ASCC3: variants seen among roughly 807,000 people sequenced by gnomAD.
ASCC3 encodes the protein ASC-1 complex subunit P200.
In ASCC3, 158 loss-of-function variants were observed where a neutral mutation model predicts 256.3. That is an observed-to-expected ratio of 0.62 (90% confidence interval 0.54 to 0.70). The LOEUF is 0.70. ASCC3 is among the 30% of genes least tolerant of loss of function. The probability of loss-of-function intolerance (pLI) is 0.00; values close to 1 mark genes in which losing one functional copy is unlikely to be tolerated. For synonymous variants in ASCC3, 948 were observed against 883.4 expected (o/e 1.07, Z -1.30); for missense variants, 2,259 against 2,626.0 (o/e 0.86, Z 3.05).
chr6:100,711,972 C>A (rs1778872711), intron 13 of ASCC3, among the ~76,000 whole-genome samples: 1 of 152,058 alleles, frequency 6.6e-6, no homozygotes, highest in Non-Finnish European at 1.5e-5. Flanking sequence ...CAGAAATAGA[C>A]CCACATAAAT....
chr6:100,770,513 G>A (rs1277641529), intron 8 of ASCC3, among the ~76,000 whole-genome samples: 2 of 149,078 alleles, frequency 1.3e-5, no homozygotes, highest in Non-Finnish European at 3.0e-5. Flanking sequence ...AAAAAAAAAA[G>A]AAATAAAGTC....
chr6:100,722,600 T>C (rs1038506139), intron 11 of ASCC3, among the ~76,000 whole-genome samples: 7 of 151,934 alleles, frequency 4.6e-5, no homozygotes, highest in Non-Finnish European at 7.4e-5. Flanking sequence ...CTTAGAACTA[T>C]GTAGCTGGTA....
chr6:100,540,179 G>A lies in ASCC3; in HGVS notation c.5759C>T (p.Ala1920Val). Reference protein sequence around the residue: ...DTDTKTVLDQALRVCQAMLDV... With the variant: ...DTDTKTVLDQVLRVCQAMLDV... ...CTTTCATACCTGACATACTCTGAGAGCTTGGTCCAAGACTGTTTTGGTATC... is the reference window on the plus strand; with the variant it reads ...CTTTCATACCTGACATACTCTGAGAACTTGGTCCAAGACTGTTTTGGTATC... The change falls in exon 37 of 42, where the codon GCT becomes GTT. Residue 1920 changes from alanine (A) to valine (V), a missense_variant. By Grantham distance (64) the Ala-to-Val change is moderately conservative. Around this residue, in one of 2 missense-constraint regions of ASCC3, gnomAD observed 1,839 missense variants for 2,206.7 expected, o/e 0.83. Transcript: ENST00000369162. 1 of 1,613,692 alleles carries A rather than the reference G, an allele frequency of 6.2e-7. No homozygotes were observed. The highest frequency in any genetic ancestry group is 8.5e-7 in the Non-Finnish European group (1 of 1,179,626).
intron 13 of ASCC3, among the ~76,000 whole-genome samples, chr6:100,699,874 A>T (rs1428594002): frequency 6.6e-6 from 1 of 152,210 alleles, no homozygotes; most frequent in Non-Finnish European, 1.5e-5. Context: ...ATCTGCTGGA[A>T]GAAATTTCTA....
At chr6:100,833,849 G>C (rs980448542) in intron 4 of ASCC3, among the ~76,000 whole-genome samples, 1 of 152,118 alleles carries the variant, frequency 6.6e-6, no homozygotes, top group Non-Finnish European at 1.5e-5. Flanking sequence ...AGACCCAGGA[G>C]GGTGGATCAC....
chr6:100,872,446 C>A (rs1250160395), intron 1 of ASCC3, among the ~76,000 whole-genome samples: 5 of 116,058 alleles, frequency 4.3e-5, no homozygotes, highest in Admixed American at 3.5e-4. Flanking sequence ...CTCCCTGAGA[C>A]CTGAGTAGAA....
chr6:100,676,882 A>T (rs191098705), intron 14 of ASCC3, among the ~76,000 whole-genome samples: 9 of 152,294 alleles, frequency 5.9e-5, no homozygotes, highest in Admixed American at 5.9e-4. Context: ...GATCTTAGTA[A>T]GTCAGGAATT....
At chr6:100,600,604 G>T (rs183164672) in intron 34 of ASCC3, among the ~76,000 whole-genome samples, 1 of 152,170 alleles carries the variant, frequency 6.6e-6, no homozygotes, top group East Asian at 1.9e-4. Flanking sequence ...ACTTCTTAAG[G>T]TGTTAGTAGG....
intron 36 of ASCC3, among the ~76,000 whole-genome samples, chr6:100,582,916 C>T (rs1771390978): frequency 6.6e-6 from 1 of 152,110 alleles, no homozygotes; most frequent in African/African-American, 2.4e-5. Flanking sequence ...TTGAACCAGC[C>T]TTGCATCCCA....
At chr6:100,562,552 A>G (rs1770011142) in intron 36 of ASCC3, among the ~76,000 whole-genome samples, 1 of 152,124 alleles carries the variant, frequency 6.6e-6, no homozygotes, top group Non-Finnish European at 1.5e-5. Flanking sequence ...GGTCTGTATA[A>G]AAACAAACAC....
intron 29 of ASCC3, 137 bp downstream of exon 29, chr6:100,627,453 G>C: frequency 8.7e-7 from 1 of 1,154,950 alleles, no homozygotes; most frequent in Non-Finnish European, 1.3e-6. Flanking sequence ...TTCCTTAACA[G>C]TTGAGACAAA....
chr6:100,638,290 T>C (rs1190682950), intron 25 of ASCC3, among the ~76,000 whole-genome samples: 1 of 152,216 alleles, frequency 6.6e-6, no homozygotes, highest in East Asian at 1.9e-4. Flanking sequence ...AATTTAGCTA[T>C]GTATATTTTT....
chr6:100,627,070 T>C (rs1774274733), intron 29 of ASCC3, among the ~76,000 whole-genome samples: 1 of 152,168 alleles, frequency 6.6e-6, no homozygotes, highest in Non-Finnish European at 1.5e-5. Flanking sequence ...ATTTTTGAGG[T>C]TATTTTTAAT....
In ASCC3 at chr6:100,874,616, C is replaced by T. The variant is rs978289830; in HGVS notation, c.-42+6445G>A. Among the ~76,000 whole-genome samples the T allele has an allele frequency of 1.4e-4, 21 of 151,748 alleles. 1 individual carries two copies. Among genetic ancestry groups the T allele is most frequent in the Non-Finnish European group, 2.9e-5 (2 of 67,968 alleles). ...TCACTAAGCAAATATTTATAGATCA[C>T]CCACCATATATTAGATATTTTATGA... is the stretch of plus-strand genomic sequence containing the variant. On this transcript the variant is annotated intron_variant, in intron 1 of 41. Coordinates refer to ENST00000369162, the MANE Select transcript of ASCC3 (RefSeq NM_006828.4).
rs1775184109 is a variant in ASCC3 at position 100,642,630 on chromosome 6, A to G, written c.3852T>C (p.Ile1284=). 6.2e-7 allele frequency: 1 copy of G among 1,613,882 alleles called. No individual in the cohort carries two copies. The highest frequency in any genetic ancestry group is 1.3e-5 in the African/African-American group (1 of 74,932). Residue 1284 remains isoleucine (I), a synonymous_variant, in exon 24 of 42, where the codon ATT becomes ATC. Coordinates refer to ENST00000369162, the MANE Select transcript of ASCC3 (RefSeq NM_006828.4). ...GTAGAATTAGATGTTGAAAGTTGATAATACATACTGCCTCAGCACCCAACC... is the reference window on the plus strand; with the variant it reads ...GTAGAATTAGATGTTGAAAGTTGATGATACATACTGCCTCAGCACCCAACC... ...DRWLGAEAVC[I]INFQHLILPE... is the part of the protein sequence containing the mutation.
At chr6:100,637,118 C>T (rs1283179182) in intron 25 of ASCC3, among the ~76,000 whole-genome samples, 1 of 152,132 alleles carries the variant, frequency 6.6e-6, no homozygotes, top group Non-Finnish European at 1.5e-5. Flanking sequence ...AAGTCAATGC[C>T]TGACTTCAAA....
At chr6:100,833,368 G>A (rs1408782194) in intron 4 of ASCC3, among the ~76,000 whole-genome samples, 1 of 152,152 alleles carries the variant, frequency 6.6e-6, no homozygotes, top group African/African-American at 2.4e-5. Context: ...GTATAATACT[G>A]TGATGGTAGA....
intron 40 of ASCC3, among the ~76,000 whole-genome samples, chr6:100,512,176 G>C (rs1470739390): frequency 6.6e-6 from 1 of 152,142 alleles, no homozygotes; most frequent in Non-Finnish European, 1.5e-5. Context: ...GGCAAATGTG[G>C]CAACTGAGGC....
Position 100,605,565 on chromosome 6 carries a change from T to A in ASCC3, c.5177+3A>T. The A allele has an allele frequency of 6.8e-7, 1 of 1,481,208 alleles. No homozygotes were observed. The highest frequency in any genetic ancestry group is 9.4e-7 in the Non-Finnish European group (1 of 1,060,464). 91.8% of individuals were successfully genotyped at this position (1,481,208 alleles called of 1,614,324 possible). A position where few individuals can be genotyped will look rare whatever the true frequency, so the allele number is the denominator to read the frequency against. On this transcript the variant is annotated splice_donor_region_variant and intron_variant, in intron 33 of 41. Transcript: ENST00000369162. The stretch of plus-strand genomic sequence containing the variant: ...CATTTAAACTAATTTAAATAAGATT[T>A]ACCTTGATTCTACTGGGAAAGGTTC...
Sources: gnomAD v4.1 joint callset for allele counts (sites outside exome capture counted in the v4.1 genomes callset) on GRCh38, gnomAD v4.1.1 for gene constraint, gnomAD v4.1.1 regional missense constraint, MANE v1.5 for transcripts, NCBI Gene and HGNC (gene_info 2026-07-23, HGNC 2026-07-21) for gene names.